Variants in TCN2 observed in about 807,000 individuals in gnomAD.
TCN2 encodes the protein transcobalamin-2.
A neutral mutation model predicts 48.6 loss-of-function variants in TCN2; 34 were observed. That is an observed-to-expected ratio of 0.70 (90% CI 0.53 to 0.93). TCN2 has a LOEUF of 0.93. Among genes scored for constraint, TCN2 ranks in the 40% least tolerant of loss-of-function variants. The pLI is 0.00. For missense variants in TCN2, 652 were observed against 526.1 expected, an observed-to-expected ratio of 1.24 and a Z score of -2.34; for synonymous variants, 283 against 212.5, an observed-to-expected ratio of 1.33 and a Z score of -2.89.
chr22:30,626,848 C>A lies in TCN2; in HGVS notation c.*327C>A. The A allele has an allele frequency of 2.2e-6, 1 of 452,214 alleles. No homozygotes were observed. 28.0% of individuals were successfully genotyped at this position (452,214 alleles called of 1,614,324 possible). On this transcript the variant is annotated 3_prime_UTR_variant, in exon 9 of 9. Transcript: ENST00000215838. ...CTTGGCAAAAAACGGAGTCCGCAGG[C>A]CGCAGGTGTTGTGAAGACCACTCGT...
chr22:30,610,302 A>G, intron 1 of TCN2: 1 of 470,758 alleles, frequency 2.1e-6, no homozygotes, highest in South Asian at 1.6e-5. Context: ...TCAATTCACC[A>G]GCTGGAAGTT....
intron 2 of TCN2, 49 bp from the exon 3 acceptor site, chr22:30,612,824 C>T (rs2087560837): frequency 1.9e-6 from 3 of 1,610,084 alleles, no homozygotes; most frequent in Non-Finnish European, 1.7e-6. Context: ...TGTAAGCAGG[C>T]TTACGGGGTG....
chr22:30,619,709 C>T (rs1392149128), intron 7 of TCN2, among the ~76,000 whole-genome samples: 1 of 152,144 alleles, frequency 6.6e-6, no homozygotes, highest in African/African-American at 2.4e-5. Flanking sequence ...CAGGGAGGGC[C>T]CACAGTTGGT....
At position 30,622,359 on chromosome 22, in the gene TCN2, G is replaced by A. The variant is rs182686901; in HGVS notation, c.1107-609G>A. ...CGGAGTGCAGAAACTCAAAGTTGAA[G>A]GCCAGAAGCTCAGGGAAGGGGGAGT... is the stretch of plus-strand genomic sequence containing the variant. On this transcript the variant is annotated intron_variant, in intron 7 of 8. Coordinates refer to ENST00000215838, the MANE Select transcript of TCN2 (RefSeq NM_000355.4). Among the ~76,000 whole-genome samples the A allele has an allele frequency of 5.2e-3, 794 of 152,346 alleles. 6 individuals are homozygous for A. The highest frequency in any genetic ancestry group is 8.8e-3 in the Non-Finnish European group (596 of 68,024).
At chr22:30,620,089 C>G (rs910920486) in intron 7 of TCN2, among the ~76,000 whole-genome samples, 1 of 151,974 alleles carries the variant, frequency 6.6e-6, no homozygotes, top group East Asian at 1.9e-4. Context: ...CCCAGGAGTT[C>G]AAGGCGGCAG....
chr22:30,612,138 C>T lies in TCN2; in HGVS notation c.258-735C>T, dbSNP rs142704671. Among the ~76,000 whole-genome samples, 380 of 151,998 alleles carry T rather than the reference C, an allele frequency of 2.5e-3. 3 individuals are homozygous for T. Among genetic ancestry groups the T allele is most frequent in the African/African-American group, 8.7e-3 (360 of 41,470 alleles). On this transcript the variant is annotated intron_variant, in intron 2 of 8. Transcript: ENST00000215838. Reference sequence around the variant, plus strand: ...CTCATGCCTGTGGTCCCCACTTCTCCGGAGGCAAAGGTGGGAGGATCTTTT... The same window carrying T: ...CTCATGCCTGTGGTCCCCACTTCTCTGGAGGCAAAGGTGGGAGGATCTTTT...
At chr22:30,623,719 CACATAT>C (rs1656984342) in intron 8 of TCN2, among the ~76,000 whole-genome samples, 4 of 139,064 alleles carry the variant, frequency 2.9e-5, no homozygotes, top group African/African-American at 1.2e-4. Flanking sequence ...TATACAGACA[CACATAT>C]ATATGTATAC....
rs1320284006 is a variant in TCN2 at position 30,623,887 on chromosome 22, CACAT to C, written c.1222+806_1222+809del. On this transcript the variant is annotated intron_variant, in intron 8 of 8. Coordinates refer to ENST00000215838, the MANE Select transcript of TCN2 (RefSeq NM_000355.4). The stretch of plus-strand genomic sequence containing the variant: ...ACACATATATACACACATATATACA[CACAT>C]ATATATGTATACATATATATACACA... 3.3e-5 allele frequency among the ~76,000 whole-genome samples: 3 copies of C among 91,036 alleles called. No individual in the cohort carries two copies. In the South Asian group the frequency reaches 7.9e-4, roughly 24 times the overall value. The allele number at this position is 91,036 out of a possible 152,430, so 59.7% of individuals were successfully genotyped here. A position where few individuals can be genotyped will look rare whatever the true frequency, so the allele number is the denominator to read the frequency against.
At chr22:30,615,572 C>T (rs769019826) in intron 5 of TCN2, 29 bp from the exon 6 acceptor site, 3 of 1,613,812 alleles carry the variant, frequency 1.9e-6, no homozygotes, top group East Asian at 2.2e-5. Flanking sequence ...CGGCTGACTT[C>T]CTCTCTCTCT....
chr22:30,612,750 C>A (rs2087560003), intron 2 of TCN2, 123 bp from the exon 3 acceptor site: 1 of 1,228,114 alleles, frequency 8.1e-7, no homozygotes, highest in Non-Finnish European at 1.2e-6. Context: ...CCTTTTGGAG[C>A]TTTTATCAAA....
chr22:30,623,576 A>G (rs2087730981), intron 8 of TCN2, among the ~76,000 whole-genome samples: 1 of 151,718 alleles, frequency 6.6e-6, no homozygotes, highest in Non-Finnish European at 1.5e-5. Context: ...TTTCTTCTAG[A>G]TACTTTTTAA....
intron 8 of TCN2, among the ~76,000 whole-genome samples, chr22:30,623,556 T>C (rs934357327): frequency 4.0e-5 from 6 of 151,720 alleles, no homozygotes; most frequent in Non-Finnish European, 7.4e-5. Flanking sequence ...CCAGCCAAAA[T>C]TACTTAACTT....
At position 30,607,228 on chromosome 22, in the gene TCN2, C is replaced by T. The variant is rs778213971; in HGVS notation, c.-104C>T. ...AGGATTAATCAGTGACAGGAAGCTG[C>T]GTCTCTCGGAGCGGTGACCAGCTGT... On this transcript the variant is annotated 5_prime_UTR_variant, in exon 1 of 9. Transcript: ENST00000215838. 3.7e-5 allele frequency: 45 copies of T among 1,218,486 alleles called. No individual in the cohort carries two copies. The highest frequency in any genetic ancestry group is 5.0e-5 in the Non-Finnish European group (41 of 821,946). The allele number at this position is 1,218,486 out of a possible 1,614,324, so 75.5% of individuals were successfully genotyped here. A position where few individuals can be genotyped will look rare whatever the true frequency, so the allele number is the denominator to read the frequency against.
In TCN2 at chr22:30,615,505, C is replaced by G. The variant is rs377213159; in HGVS notation, c.753+32C>G. 8 of 1,609,630 alleles carry G rather than the reference C, an allele frequency of 5.0e-6. No individual in the cohort carries two copies. In the African/African-American group the frequency reaches 1.1e-4, roughly 21 times the overall value. ...AAGAGACCCTGGAGCCATGGCCACC[C>G]TGGGGAACAGTCAGGGGTGGAGTGG... On this transcript the variant is annotated intron_variant, in intron 5 of 8. Transcript: ENST00000215838.
intron 7 of TCN2, among the ~76,000 whole-genome samples, chr22:30,620,153 T>A (rs2087676933): frequency 6.6e-6 from 1 of 152,076 alleles, no homozygotes; most frequent in Non-Finnish European, 1.5e-5. Flanking sequence ...CTTTTTTTTT[T>A]TTTTTAAAAG....
chr22:30,616,732 CAG>C (rs1233498412), intron 6 of TCN2, among the ~76,000 whole-genome samples: 2 of 151,772 alleles, frequency 1.3e-5, no homozygotes. Context: ...ACCTGGGAGA[CAG>C]AGGTTGCAGT....
At chr22:30,616,825 T>C (rs1260780369) in intron 6 of TCN2, among the ~76,000 whole-genome samples, 1 of 151,540 alleles carries the variant, frequency 6.6e-6, no homozygotes, top group African/African-American at 2.4e-5. Context: ...ATGGATAGAG[T>C]GGAGCCAAGA....
Position 30,626,925 on chromosome 22 carries a change from C to T in TCN2, c.*404C>T, listed in dbSNP as rs532913665. The T allele has an allele frequency of 6.2e-5, 20 of 322,176 alleles. No homozygotes were observed. Among genetic ancestry groups the T allele is most frequent in the Non-Finnish European group, 1.0e-4 (17 of 164,680 alleles). The allele number at this position is 322,176 out of a possible 1,614,324, so 20.0% of individuals were successfully genotyped here. ...CCTCCTCAGCCCGGGGGCTATGGCC[C>T]TGACCCCAGCTCTCCACTCTGCTGT... is the stretch of plus-strand genomic sequence containing the variant. On this transcript the variant is annotated 3_prime_UTR_variant, in exon 9 of 9. Coordinates refer to ENST00000215838, the MANE Select transcript of TCN2 (RefSeq NM_000355.4).
rs189942215 is a variant in TCN2, at chr22:30,620,854, A to T, written c.1107-2114A>T. Reference sequence around the variant, plus strand: ...CAGCAGAGAAAGCTCAACTGCAGACACAGATAGACAGATGTGGAGAGAGGT... The same window carrying T: ...CAGCAGAGAAAGCTCAACTGCAGACTCAGATAGACAGATGTGGAGAGAGGT... On this transcript the variant is annotated intron_variant, in intron 7 of 8. Transcript: ENST00000215838. Among the ~76,000 whole-genome samples the T allele has an allele frequency of 5.1e-4, 78 of 152,324 alleles. 1 individual carries two copies. The East Asian group carries it at 0.013, about 24-fold the overall frequency.
Sources: allele counts gnomAD v4.1 joint callset (sites outside exome capture counted in the v4.1 genomes callset), GRCh38; gene constraint gnomAD v4.1.1; transcripts MANE v1.5; gene names NCBI Gene and HGNC (gene_info 2026-07-23, HGNC 2026-07-21).